The following NRG1 variants were observed in gnomAD, a reference collection of about 807,000 sequenced individuals.
NRG1 encodes pro-neuregulin-1, membrane-bound isoform.
A neutral mutation model predicts 63.8 loss-of-function variants in NRG1; 18 were observed. The ratio of observed to expected loss-of-function variants is 0.28; its 90% CI spans 0.19 to 0.42. The LOEUF (loss-of-function observed/expected upper bound fraction) is 0.42. Ranked by LOEUF, NRG1 falls within the 10% of genes least tolerant of loss-of-function variation. NRG1 has a pLI of 1.00. For missense variants in NRG1, 762 were observed against 814.7 expected, an observed-to-expected ratio of 0.94 and a Z score of 0.79; for synonymous variants, 302 against 301.3, an observed-to-expected ratio of 1.00 and a Z score of -0.02.
intron 1 of NRG1, among the ~76,000 whole-genome samples, chr8:31,669,721 C>T (rs372604443): frequency 1.3e-5 from 2 of 152,122 alleles, no homozygotes; most frequent in East Asian, 1.9e-4. Context: ...CACTTATTCA[C>T]GCATAAGTAC....
chr8:32,217,241 A>G (rs1362748370), intron 1 of NRG1, among the ~76,000 whole-genome samples: 2 of 116,070 alleles, frequency 1.7e-5, no homozygotes, highest in Non-Finnish European at 1.8e-5. Context: ...AAAAAAAAAA[A>G]AAATACTTGG....
At chr8:32,425,212 G>T (rs970578269) in intron 1 of NRG1, among the ~76,000 whole-genome samples, 5 of 152,200 alleles carry the variant, frequency 3.3e-5, no homozygotes, top group Admixed American at 6.5e-5. Flanking sequence ...TGCCTCTTTG[G>T]AATGGCATTT....
At chr8:31,865,319 C>A (rs1585356254) in intron 1 of NRG1, among the ~76,000 whole-genome samples, 1 of 152,126 alleles carries the variant, frequency 6.6e-6, no homozygotes, top group Non-Finnish European at 1.5e-5. Context: ...CAGAACACCC[C>A]CTTTCCAGCT....
intron 1 of NRG1, among the ~76,000 whole-genome samples, chr8:32,224,495 T>G (rs1478363317): frequency 1.3e-5 from 2 of 152,208 alleles, no homozygotes; most frequent in African/African-American, 2.4e-5. Context: ...TGGGAGGATA[T>G]TTAAACCCAG....
chr8:31,844,167 C>T (rs1037562038), intron 1 of NRG1, among the ~76,000 whole-genome samples: 1 of 152,170 alleles, frequency 6.6e-6, no homozygotes, highest in Non-Finnish European at 1.5e-5. Flanking sequence ...CTCTGTTGCG[C>T]ACTTCTCTGC....
rs138685529 is a variant in NRG1 at position 32,602,017 on chromosome 8, C to T, written c.279-3545C>T. Among the ~76,000 whole-genome samples the T allele has an allele frequency of 1.1e-3, 172 of 152,234 alleles. 1 individual carries two copies. The highest frequency in any genetic ancestry group is 2.1e-3 in the South Asian group (10 of 4,822). On this transcript the variant is annotated intron_variant, in intron 2 of 11. Coordinates refer to ENST00000356819, the Ensembl canonical transcript of NRG1. ...TGTATTTATGTCACCAGTTTTCGTA[C>T]GTGAATGTACTTGTGATGCTTATCT... is the stretch of plus-strand genomic sequence containing the variant.
chr8:31,849,151 G>C (rs776317061), intron 1 of NRG1, among the ~76,000 whole-genome samples: 2 of 152,176 alleles, frequency 1.3e-5, no homozygotes, highest in Non-Finnish European at 2.9e-5. Flanking sequence ...ACATGCTGCT[G>C]TGTGCTTTCC....
intron 7 of NRG1, among the ~76,000 whole-genome samples, chr8:32,751,915 A>G (rs959292849): frequency 6.6e-6 from 1 of 152,228 alleles, no homozygotes; most frequent in African/African-American, 2.4e-5. Context: ...CCCTGAGAGT[A>G]TGCATGATTC....
intron 1 of NRG1, among the ~76,000 whole-genome samples, chr8:32,318,505 G>A (rs1801016043): frequency 6.6e-6 from 1 of 152,154 alleles, no homozygotes; most frequent in Non-Finnish European, 1.5e-5. Context: ...ACCTGTAACA[G>A]GCTGGTCCAA....
At chr8:31,647,904 T>A (rs1804441137) in intron 1 of NRG1, among the ~76,000 whole-genome samples, 1 of 152,128 alleles carries the variant, frequency 6.6e-6, no homozygotes, top group African/African-American at 2.4e-5. Context: ...TTTAGAAAAA[T>A]TTATGGTAAC....
intron 1 of NRG1, among the ~76,000 whole-genome samples, chr8:31,925,239 G>A (rs1384076668): frequency 1.6e-5 from 1 of 63,568 alleles, no homozygotes; most frequent in East Asian, 2.5e-4. Context: ...GGTTGTGAAT[G>A]TACTATTCTT....
intron 1 of NRG1, among the ~76,000 whole-genome samples, chr8:31,917,843 G>A (rs1833540327): frequency 6.6e-6 from 1 of 152,148 alleles, no homozygotes; most frequent in African/African-American, 2.4e-5. Flanking sequence ...CATGAGCATG[G>A]AATGTTCTTC....
At chr8:32,072,515 C>T (rs1189572688) in intron 1 of NRG1, among the ~76,000 whole-genome samples, 1 of 152,086 alleles carries the variant, frequency 6.6e-6, no homozygotes, top group Non-Finnish European at 1.5e-5. Context: ...TGTACCTTTC[C>T]ACTCTGAATT....
chr8:32,182,995 C>A (rs1469178708), intron 1 of NRG1, among the ~76,000 whole-genome samples: 4 of 152,080 alleles, frequency 2.6e-5, no homozygotes, highest in African/African-American at 7.2e-5. Context: ...TAAATGAGGT[C>A]ATATGCCTAT....
At chr8:32,119,568 A>G (rs577375608) in intron 1 of NRG1, among the ~76,000 whole-genome samples, 43 of 152,104 alleles carry the variant, frequency 2.8e-4, no homozygotes, top group Non-Finnish European at 5.4e-4. Flanking sequence ...TCTCTTAGGT[A>G]TTACCATATG....
chr8:32,610,564 C>T (rs1382012487), intron 3 of NRG1, among the ~76,000 whole-genome samples: 21 of 152,246 alleles, frequency 1.4e-4, no homozygotes, highest in Admixed American at 1.0e-3. Context: ...CCCCTTGAAA[C>T]AGTATATGCT....
chr8:31,691,783 C>G (rs1483473772), intron 1 of NRG1, among the ~76,000 whole-genome samples: 2 of 151,706 alleles, frequency 1.3e-5, no homozygotes, highest in African/African-American at 4.8e-5. Flanking sequence ...TAAAAAAATC[C>G]CTTCTCTACA....
At chr8:32,765,484 CAGA>C (rs1400722697) in exon 12 of NRG1, 1 of 152,106 alleles carries the variant, frequency 6.6e-6, no homozygotes, top group Non-Finnish European at 1.5e-5. Context: ...GTAGAGTGTT[CAGA>C]AGGAGTGACT....
At chr8:32,698,383 T>C (rs1324730934) in intron 5 of NRG1, among the ~76,000 whole-genome samples, 1 of 152,108 alleles carries the variant, frequency 6.6e-6, no homozygotes, top group Admixed American at 6.6e-5. Context: ...GTAGGAAAAG[T>C]TCATTACAGG....
Sources: allele counts gnomAD v4.1 joint callset (sites outside exome capture counted in the v4.1 genomes callset), GRCh38; gene constraint gnomAD v4.1.1; transcripts MANE v1.5; gene names NCBI Gene and HGNC (gene_info 2026-07-23, HGNC 2026-07-21).